Variants in OR2C1 observed in about 807,000 individuals in gnomAD.
OR2C1 encodes the protein olfactory receptor family 2 subfamily C member 1, also known as olfactory receptor 2C1.
For synonymous variants in OR2C1, 209 were observed against 167.3 expected, an observed-to-expected ratio of 1.25 and a Z score of -1.92; for missense variants, 468 against 388.3, an observed-to-expected ratio of 1.21 and a Z score of -1.73.
chr16:3,340,480 A>T, the OR2C1 span, among the ~76,000 whole-genome samples: 4 of 152,156 alleles, frequency 2.6e-5, no homozygotes, highest in African/African-American at 9.7e-5. Flanking sequence ...GGTCCAATTT[A>T]TGTATTCTTT....
the OR2C1 span, among the ~76,000 whole-genome samples, chr16:3,331,669 G>C: frequency 0.79 from 119,246 of 151,682 alleles, 46,969 homozygotes; most frequent in East Asian, 0.94. Context: ...GCTTGTTTTT[G>C]TCAGGTTTGT....
the OR2C1 span, among the ~76,000 whole-genome samples, chr16:3,324,850 C>T: frequency 6.6e-6 from 1 of 152,150 alleles, no homozygotes; most frequent in Non-Finnish European, 1.5e-5. Flanking sequence ...GGTTTGGTTC[C>T]AGGCCCATGC....
the OR2C1 span, among the ~76,000 whole-genome samples, chr16:3,348,239 G>A: frequency 6.6e-6 from 1 of 152,192 alleles, no homozygotes; most frequent in Non-Finnish European, 1.5e-5. Flanking sequence ...AGTGGAAAAA[G>A]TGAATAAAAT....
chr16:3,327,044 A>G, the OR2C1 span, among the ~76,000 whole-genome samples: 1 of 152,208 alleles, frequency 6.6e-6, no homozygotes, highest in Non-Finnish European at 1.5e-5. Context: ...TCTAATAAAT[A>G]CATAGAGTAA....
chr16:3,350,784 A>G, the OR2C1 span, among the ~76,000 whole-genome samples: 1 of 151,846 alleles, frequency 6.6e-6, no homozygotes, highest in Non-Finnish European at 1.5e-5. Context: ...CCAGGAGAGA[A>G]GCTGGGAAAT....
At chr16:3,336,708 C>CTTTTTTTTTTTTTTT in the OR2C1 span, among the ~76,000 whole-genome samples, 2 of 93,768 alleles carry the variant, frequency 2.1e-5, no homozygotes, top group Non-Finnish European at 1.9e-5. Context: ...TTCTTTCTTT[C>CTTTTTTTTTTTTTTT]TTTCTTTTTT....
chr16:3,341,248 G>C, the OR2C1 span, among the ~76,000 whole-genome samples: 1 of 151,076 alleles, frequency 6.6e-6, no homozygotes, highest in African/African-American at 2.5e-5. Flanking sequence ...TTTTTAATTT[G>C]TTTATTGATG....
the OR2C1 span, among the ~76,000 whole-genome samples, chr16:3,347,974 T>A: frequency 1.3e-5 from 2 of 152,198 alleles, no homozygotes; most frequent in African/African-American, 4.8e-5. Context: ...GATAAATAGA[T>A]TATGATAGAT....
downstream of OR2C1, among the ~76,000 whole-genome samples, chr16:3,357,710 A>G (rs4024222): frequency 0.9 from 136,403 of 152,196 alleles, 61,239 homozygotes; most frequent in African/African-American, 0.95. Flanking sequence ...CACTGGGTGC[A>G]GTGGCTCACA....
chr16:3,338,745 C>A, the OR2C1 span, among the ~76,000 whole-genome samples: 18 of 151,912 alleles, frequency 1.2e-4, no homozygotes, highest in South Asian at 2.1e-4. Flanking sequence ...CACGTGTTAG[C>A]CAGGATGGTC....
chr16:3,350,964 C>G (rs1246945968), upstream of OR2C1, among the ~76,000 whole-genome samples: 2 of 147,214 alleles, frequency 1.4e-5, no homozygotes, highest in Non-Finnish European at 3.0e-5. Context: ...TTGCTTCAGC[C>G]TGGGAGGTTG....
At chr16:3,335,610 T>C in the OR2C1 span, among the ~76,000 whole-genome samples, 1 of 131,194 alleles carries the variant, frequency 7.6e-6, no homozygotes, top group Non-Finnish European at 1.6e-5. Context: ...CACTGCAACC[T>C]CCACCTCCTG....
At chr16:3,336,157 C>T in the OR2C1 span, among the ~76,000 whole-genome samples, 1 of 152,084 alleles carries the variant, frequency 6.6e-6, no homozygotes, top group African/African-American at 2.4e-5. Flanking sequence ...AATGCTTTTT[C>T]AGAAAGTATT....
At chr16:3,353,975 TTTC>T (rs906109585), upstream of OR2C1, among the ~76,000 whole-genome samples, 38 of 135,188 alleles carry the variant, frequency 2.8e-4, no homozygotes, top group African/African-American at 1.0e-3. Flanking sequence ...TTGTTTTTCT[TTTC>T]TTTTCTTTTT....
the OR2C1 span, among the ~76,000 whole-genome samples, chr16:3,325,222 T>G: frequency 6.6e-6 from 1 of 152,032 alleles, no homozygotes; most frequent in Non-Finnish European, 1.5e-5. Context: ...CCTCAACCGA[T>G]TAGCCACCCT....
At chr16:3,333,100 T>C in the OR2C1 span, among the ~76,000 whole-genome samples, 4 of 152,108 alleles carry the variant, frequency 2.6e-5, no homozygotes, top group East Asian at 7.7e-4. Flanking sequence ...TATCTCATTG[T>C]GGTTTTGATT....
At chr16:3,352,325 C>T (rs75585941), upstream of OR2C1, among the ~76,000 whole-genome samples, 22 of 152,202 alleles carry the variant, frequency 1.4e-4, no homozygotes, top group East Asian at 3.9e-3. Flanking sequence ...CTTTGTTCGC[C>T]AGGATGGTCT....
chr16:3,329,741 G>A, the OR2C1 span, among the ~76,000 whole-genome samples: 2 of 128,340 alleles, frequency 1.6e-5, no homozygotes, highest in African/African-American at 3.0e-5. Flanking sequence ...GAGCCACGGC[G>A]CCCGGCCTTT....
At chr16:3,353,989 T>C (rs1282175921), upstream of OR2C1, among the ~76,000 whole-genome samples, 5 of 130,882 alleles carry the variant, frequency 3.8e-5, no homozygotes, top group East Asian at 4.0e-4. Flanking sequence ...TTTTCTTTTT[T>C]TTTTTTTTTT....
Sources: gnomAD v4.1 joint callset for allele counts (sites outside exome capture counted in the v4.1 genomes callset) on GRCh38, gnomAD v4.1.1 for gene constraint, MANE v1.5 for transcripts, NCBI Gene and HGNC (gene_info 2026-07-23, HGNC 2026-07-21) for gene names.